The following DAB1 variants were observed in gnomAD, a reference collection of about 807,000 sequenced individuals.
DAB1 encodes the protein DAB adaptor protein 1, also known as disabled homolog 1.
DAB1 carries 15 observed loss-of-function variants against 64.6 expected under a neutral mutation model. That is an observed-to-expected ratio of 0.23 (90% CI 0.16 to 0.36). The LOEUF (loss-of-function observed/expected upper bound fraction) is 0.36. Among genes scored for constraint, DAB1 ranks in the 10% least tolerant of loss-of-function variants. The pLI is 1.00. For synonymous variants in DAB1, 235 were observed against 251.9 expected, an observed-to-expected ratio of 0.93 and a Z score of 0.64; for missense variants, 596 against 706.7, an observed-to-expected ratio of 0.84 and a Z score of 1.78.
chr1:57,364,474 G>A (rs191911615), intron 1 of DAB1, among the ~76,000 whole-genome samples: 63 of 152,192 alleles, frequency 4.1e-4, no homozygotes, highest in Admixed American at 6.5e-4. Flanking sequence ...TGCTCTGCAC[G>A]CAGGCAGAGG....
intron 2 of DAB1, among the ~76,000 whole-genome samples, chr1:57,232,111 G>A (rs1667720000): frequency 6.6e-6 from 1 of 152,086 alleles, no homozygotes; most frequent in Non-Finnish European, 1.5e-5. Context: ...CGTGGCCACT[G>A]CCGCCCATGC....
chr1:58,132,307 C>G (rs1203196096), intron 5 of DAB1, among the ~76,000 whole-genome samples: 1 of 152,180 alleles, frequency 6.6e-6, no homozygotes, highest in Non-Finnish European at 1.5e-5. Context: ...ATGCCTCACC[C>G]TGCTTCAGCT....
At chr1:58,527,362 A>C (rs761444356) in intron 1 of DAB1, 1 of 864,800 alleles carries the variant, frequency 1.2e-6, no homozygotes, top group South Asian at 1.3e-5. Context: ...GAAAAGCTCC[A>C]TTAAGACAAT....
intron 2 of DAB1, among the ~76,000 whole-genome samples, chr1:58,509,753 A>G (rs896807343): frequency 5.3e-5 from 8 of 151,776 alleles, no homozygotes; most frequent in African/African-American, 1.9e-4. Context: ...AAGTCGTTAG[A>G]GTAAGAAAAA....
intron 6 of DAB1, among the ~76,000 whole-genome samples, chr1:57,705,911 T>C (rs1298227590): frequency 2.0e-5 from 3 of 151,136 alleles, no homozygotes. Context: ...TAATGCTTGG[T>C]GACATTTAGT....
intron 1 of DAB1, among the ~76,000 whole-genome samples, chr1:57,333,251 GA>G (rs1311851801): frequency 1.3e-5 from 2 of 152,220 alleles, no homozygotes; most frequent in Non-Finnish European, 2.9e-5. Flanking sequence ...AGAGGAGAAG[GA>G]AAGAGGGAGG....
At chr1:57,231,280 C>T (rs1163742757) in intron 2 of DAB1, among the ~76,000 whole-genome samples, 1 of 152,190 alleles carries the variant, frequency 6.6e-6, no homozygotes, top group African/African-American at 2.4e-5. Context: ...CTCTCCAAGA[C>T]AAGGCTGGGA....
chr1:58,448,503 T>C (rs959892168), intron 3 of DAB1, among the ~76,000 whole-genome samples: 1 of 152,352 alleles, frequency 6.6e-6, no homozygotes, highest in African/African-American at 2.4e-5. Flanking sequence ...CTCTTTATAC[T>C]GAAGCATGCA....
chr1:57,908,750 C>T (rs1644596190), intron 5 of DAB1, among the ~76,000 whole-genome samples: 1 of 152,184 alleles, frequency 6.6e-6, no homozygotes, highest in Admixed American at 6.5e-5. Flanking sequence ...CAGCTCCGGT[C>T]TGGCTGCTGC....
chr1:57,235,385 C>A (rs977390312), intron 2 of DAB1, among the ~76,000 whole-genome samples: 2 of 152,112 alleles, frequency 1.3e-5, no homozygotes, highest in African/African-American at 4.8e-5. Context: ...ACAACATTTG[C>A]CTATTGAAGA....
intron 4 of DAB1, among the ~76,000 whole-genome samples, chr1:58,261,249 T>TA (rs1661041438): frequency 6.6e-6 from 1 of 151,836 alleles, no homozygotes; most frequent in South Asian, 2.1e-4. Context: ...TTGGAAAAAA[T>TA]AAAAAATAAA....
At chr1:58,539,347 A>G (rs921733827) in intron 1 of DAB1, 14 of 754,966 alleles carry the variant, frequency 1.9e-5, no homozygotes, top group Middle Eastern at 2.4e-4. Flanking sequence ...TCTGTGGAAA[A>G]TATTTACTTA....
intron 4 of DAB1, among the ~76,000 whole-genome samples, chr1:57,096,817 C>T (rs1654210527): frequency 6.6e-6 from 1 of 152,186 alleles, no homozygotes; most frequent in South Asian, 2.1e-4. Flanking sequence ...CATATAGTAG[C>T]TAATCAATAA....
intron 7 of DAB1, among the ~76,000 whole-genome samples, chr1:57,450,406 GA>G (rs537300277): frequency 9.9e-5 from 15 of 151,862 alleles, no homozygotes; most frequent in South Asian, 2.1e-4. Context: ...ATTTTTTGCT[GA>G]AAAAAAATAT....
intron 7 of DAB1, among the ~76,000 whole-genome samples, chr1:57,503,922 A>G (rs1016731633): frequency 7.9e-5 from 12 of 152,204 alleles, no homozygotes; most frequent in Non-Finnish European, 1.6e-4. Context: ...GTCTTATCGT[A>G]GCTGTCCATA....
chr1:58,122,931 A>T (rs1287615445), intron 5 of DAB1, among the ~76,000 whole-genome samples: 1 of 152,240 alleles, frequency 6.6e-6, no homozygotes, highest in Non-Finnish European at 1.5e-5. Flanking sequence ...TCCTAGGAAG[A>T]GAAGGCAAGA....
chr1:57,110,997 A>G (rs1264908816), intron 4 of DAB1, among the ~76,000 whole-genome samples: 1 of 152,014 alleles, frequency 6.6e-6, no homozygotes, highest in African/African-American at 2.4e-5. Flanking sequence ...ACAGAAATAC[A>G]TATAGTACAG....
At chr1:57,794,947 G>C (rs554562742) in intron 6 of DAB1, among the ~76,000 whole-genome samples, 1 of 152,186 alleles carries the variant, frequency 6.6e-6, no homozygotes, top group African/African-American at 2.4e-5. Flanking sequence ...GCCTAATAGC[G>C]GTCCTCATGG....
At chr1:57,140,078 C>T (rs990773861) in intron 3 of DAB1, among the ~76,000 whole-genome samples, 3 of 152,166 alleles carry the variant, frequency 2.0e-5, no homozygotes, top group Admixed American at 6.5e-5. Context: ...CTCATCTCCC[C>T]ACAAGATTAT....
Sources: gnomAD v4.1 joint callset for allele counts (sites outside exome capture counted in the v4.1 genomes callset) on GRCh38, gnomAD v4.1.1 for gene constraint, MANE v1.5 for transcripts, NCBI Gene and HGNC (gene_info 2026-07-23, HGNC 2026-07-21) for gene names.